The following STAT5B variants were observed in gnomAD, a reference collection of about 807,000 sequenced individuals.
STAT5B encodes the protein transcription factor STAT5B.
Under a neutral mutation model 107.8 loss-of-function variants are expected in STAT5B, and 21 were observed. The observed-to-expected ratio is 0.19, with a 90% CI of 0.14 to 0.28. STAT5B has a LOEUF of 0.28. Among genes scored for constraint, STAT5B ranks in the 10% least tolerant of loss-of-function variants. STAT5B has a pLI of 1.00. For missense variants in STAT5B, 565 were observed against 1,008.2 expected, an observed-to-expected ratio of 0.56 and a Z score of 5.95; for synonymous variants, 325 against 401.7, an observed-to-expected ratio of 0.81 and a Z score of 2.28.
chr17:42,273,136 A>T (rs2080734468), intron 1 of STAT5B, among the ~76,000 whole-genome samples: 1 of 152,130 alleles, frequency 6.6e-6, no homozygotes. Flanking sequence ...AAACTGTCTG[A>T]TCAATGGAAA....
upstream of STAT5B, among the ~76,000 whole-genome samples, chr17:42,276,868 C>T (rs771347044): frequency 2.6e-5 from 4 of 152,236 alleles, no homozygotes; most frequent in Non-Finnish European, 4.4e-5. The surrounding 1 kb of genome is among the most constrained non-coding windows in gnomAD (Gnocchi z 4.8). Flanking sequence ...GGGCCCCGAT[C>T]AATAATTATC....
intron 16 of STAT5B, among the ~76,000 whole-genome samples, chr17:42,203,318 T>C (rs571260404): frequency 3.9e-5 from 6 of 152,268 alleles, no homozygotes; most frequent in Non-Finnish European, 7.4e-5. Context: ...TCAAGATATC[T>C]TCCAAATTGG....
At chr17:42,266,699 C>T (rs1056407346) in intron 1 of STAT5B, among the ~76,000 whole-genome samples, 1 of 151,878 alleles carries the variant, frequency 6.6e-6, no homozygotes, top group African/African-American at 2.4e-5. Context: ...AGCAAGACCC[C>T]TGTCTCTATT....
At chr17:42,259,701 T>G (rs2080577668) in intron 1 of STAT5B, among the ~76,000 whole-genome samples, 2 of 151,676 alleles carry the variant, frequency 1.3e-5, no homozygotes, top group African/African-American at 2.4e-5. Flanking sequence ...GCAGGAGAAT[T>G]GCTTGAACCT....
rs186426208 is a variant in STAT5B, at chr17:42,206,701, G to A, written c.2077+857C>T. 1.4e-4 allele frequency among the ~76,000 whole-genome samples: 21 copies of A among 150,896 alleles called. No homozygotes were observed. The South Asian group carries it at 3.6e-3, about 26-fold the overall frequency. On this transcript the variant is annotated intron_variant, in intron 16 of 18. Transcript: ENST00000293328. Reference sequence around the variant, plus strand: ...GCAATTCTCCTGCCTCAGCCTTCCCGAGTAGCTGGGATTACAGGCATGCGC... The same window carrying A: ...GCAATTCTCCTGCCTCAGCCTTCCCAAGTAGCTGGGATTACAGGCATGCGC...
intron 1 of STAT5B, among the ~76,000 whole-genome samples, chr17:42,260,372 G>C (rs948607142): frequency 1.3e-5 from 2 of 152,154 alleles, no homozygotes; most frequent in Non-Finnish European, 2.9e-5. Context: ...ACAAAAAAAG[G>C]AATGTAAAAT....
chr17:42,207,121 C>T (rs958637840), intron 16 of STAT5B, among the ~76,000 whole-genome samples: 4 of 152,130 alleles, frequency 2.6e-5, no homozygotes, highest in African/African-American at 9.7e-5. Flanking sequence ...GATCCGCCTG[C>T]CTTGGCCTCC....
chr17:42,259,570 T>C (rs1408775559), intron 1 of STAT5B, among the ~76,000 whole-genome samples: 1 of 152,080 alleles, frequency 6.6e-6, no homozygotes, highest in Non-Finnish European at 1.5e-5. Context: ...GTGGATCACC[T>C]GAGGTCAGGA....
chr17:42,232,117 C>T lies in STAT5B; in HGVS notation c.11G>A (p.Trp4Ter). 1 of 1,614,092 alleles carries T rather than the reference C, an allele frequency of 6.2e-7. No homozygotes were observed. The highest frequency in any genetic ancestry group is 8.5e-7 in the Non-Finnish European group (1 of 1,179,992). MAV[W>*]IQAQQLQGEA... is the part of the protein sequence containing the mutation. ...TCCTTGGAGCTGCTGAGCTTGTATC[C>T]ACACAGCCATGGTTTACAATCTGTT... Residue 4 changes from tryptophan to a stop codon, truncating the protein, a stop_gained, in exon 2 of 19, where the codon TGG (tryptophan) becomes TAG (stop). Coordinates refer to ENST00000293328, the MANE Select transcript of STAT5B (RefSeq NM_012448.4). LOFTEE classifies it high-confidence loss of function.
At chr17:42,263,563 T>C (rs905282829) in intron 1 of STAT5B, among the ~76,000 whole-genome samples, 6 of 152,198 alleles carry the variant, frequency 3.9e-5, no homozygotes, top group Non-Finnish European at 8.8e-5. Flanking sequence ...GGTCTCACTC[T>C]GTCACCCAGG....
chr17:42,277,656 C>T (rs78710321), upstream of STAT5B, among the ~76,000 whole-genome samples: 1 of 152,282 alleles, frequency 6.6e-6, no homozygotes, highest in Non-Finnish European at 1.5e-5. Flanking sequence ...CAACCAACCC[C>T]GAGCTCTCTG....
intron 1 of STAT5B, among the ~76,000 whole-genome samples, chr17:42,233,488 CT>C (rs1170989753): frequency 4.7e-3 from 656 of 138,698 alleles, no homozygotes; most frequent in Middle Eastern, 7.6e-3. Context: ...CAGGTAGTTT[CT>C]TTTTTTTTTT....
rs569961752 is a variant in STAT5B at position 42,206,700 on chromosome 17, C to T, written c.2077+858G>A. On this transcript the variant is annotated intron_variant, in intron 16 of 18. Coordinates refer to ENST00000293328, the MANE Select transcript of STAT5B (RefSeq NM_012448.4). ...AGCAATTCTCCTGCCTCAGCCTTCC[C>T]GAGTAGCTGGGATTACAGGCATGCG... is the stretch of plus-strand genomic sequence containing the variant. 6.6e-5 allele frequency among the ~76,000 whole-genome samples: 10 copies of T among 151,698 alleles called. No individual in the cohort carries two copies. In the East Asian group the frequency reaches 9.7e-4, roughly 15 times the overall value.
At position 42,223,385 on chromosome 17, in the gene STAT5B, G is replaced by C; in HGVS notation, c.547C>G (p.Gln183Glu). ...ATGTGCCTCCACCGCGCCTCACCTT[G>C]GATCCTCAGGCTCTCCTGGTACTGG... ...IIQYQESLRI[Q>E]AQFGPLAQLS... is the part of the protein sequence containing the mutation. The change falls in exon 5 of 19, where the codon CAA becomes GAA. Residue 183 changes from glutamine (Q) to glutamate (E), a missense_variant. By Grantham distance (29) the Gln-to-Glu change is conservative. Transcript: ENST00000293328. 1.2e-6 allele frequency: 2 copies of C among 1,614,118 alleles called. No individual in the cohort carries two copies. Among genetic ancestry groups the C allele is most frequent in the Non-Finnish European group, 8.5e-7 (1 of 1,180,020 alleles).
chr17:42,252,742 T>C (rs1467830928), intron 1 of STAT5B, among the ~76,000 whole-genome samples: 7 of 152,182 alleles, frequency 4.6e-5, no homozygotes, highest in Admixed American at 4.6e-4. Flanking sequence ...TAATAGCAAG[T>C]TGTGCCACCC....
the STAT5B span, among the ~76,000 whole-genome samples, chr17:42,286,223 A>G: frequency 1.4e-5 from 2 of 144,066 alleles, no homozygotes; most frequent in African/African-American, 2.6e-5. Flanking sequence ...ACGAGAGCGA[A>G]ACTCCATCTC....
At chr17:42,231,878 G>A (rs554485670) in intron 2 of STAT5B, 122 bp downstream of exon 2, 56 of 1,449,654 alleles carry the variant, frequency 3.9e-5, no homozygotes, top group Non-Finnish European at 4.9e-5. Flanking sequence ...ACCTTTTTAT[G>A]GATCACATTT....
intron 1 of STAT5B, among the ~76,000 whole-genome samples, chr17:42,244,471 T>C (rs895450338): frequency 6.6e-6 from 1 of 152,092 alleles, no homozygotes. Flanking sequence ...TCTTGGACAA[T>C]TCAAATCTTT....
chr17:42,266,082 G>A lies in STAT5B; in HGVS notation c.-11+10166C>T, dbSNP rs564316509. ...GCATAAAGAAGTTTTAAATATTTATGTATACATATAAAAAGACATATGTGT... is the reference window on the plus strand; with the variant it reads ...GCATAAAGAAGTTTTAAATATTTATATATACATATAAAAAGACATATGTGT... On this transcript the variant is annotated intron_variant, in intron 1 of 18. Transcript: ENST00000293328. 2.0e-5 allele frequency among the ~76,000 whole-genome samples: 3 copies of A among 152,122 alleles called. No homozygotes were observed. In the South Asian group the frequency reaches 6.2e-4, roughly 32 times the overall value.
Sources: allele counts gnomAD v4.1 joint callset (sites outside exome capture counted in the v4.1 genomes callset), GRCh38; gene constraint gnomAD v4.1.1; non-coding constraint Gnocchi (gnomAD v3.1); transcripts MANE v1.5; gene names NCBI Gene and HGNC (gene_info 2026-07-23, HGNC 2026-07-21).